Variants in DAB1 observed in about 807,000 individuals in gnomAD.
DAB1 encodes DAB adaptor protein 1, also known as disabled homolog 1.
Under a neutral mutation model 64.6 loss-of-function variants are expected in DAB1, and 15 were observed. The ratio of observed to expected loss-of-function variants is 0.23; its 90% CI spans 0.16 to 0.36. DAB1 has a LOEUF of 0.36. DAB1 is among the 10% of genes least tolerant of loss of function. The pLI is 1.00. For synonymous variants in DAB1, 235 were observed against 251.9 expected, an observed-to-expected ratio of 0.93 and a Z score of 0.64; for missense variants, 596 against 706.7, an observed-to-expected ratio of 0.84 and a Z score of 1.78.
At chr1:57,716,144 G>C (rs995997158) in intron 6 of DAB1, among the ~76,000 whole-genome samples, 7 of 152,222 alleles carry the variant, frequency 4.6e-5, no homozygotes, top group Admixed American at 4.6e-4. Flanking sequence ...TCCTGACCTT[G>C]TGATCCACCC....
chr1:58,360,718 G>A (rs539000094), intron 3 of DAB1, among the ~76,000 whole-genome samples: 9 of 152,144 alleles, frequency 5.9e-5, no homozygotes, highest in African/African-American at 1.4e-4. Flanking sequence ...CAAATACTGC[G>A]CTAATGAGAG....
chr1:57,428,618 G>A (rs1201256954), upstream of DAB1, among the ~76,000 whole-genome samples: 1 of 152,106 alleles, frequency 6.6e-6, no homozygotes, highest in Non-Finnish European at 1.5e-5. Context: ...ATTCTGGAAT[G>A]AACATGGTAG....
chr1:58,128,158 T>G (rs1197134281), intron 5 of DAB1, among the ~76,000 whole-genome samples: 1 of 152,154 alleles, frequency 6.6e-6, no homozygotes, highest in Non-Finnish European at 1.5e-5. Flanking sequence ...GCAGTTCTCC[T>G]TGAAGAGGTC....
intron 3 of DAB1, among the ~76,000 whole-genome samples, chr1:58,486,276 A>G (rs754308445): frequency 5.3e-5 from 8 of 152,234 alleles, no homozygotes; most frequent in Non-Finnish European, 1.2e-4. Flanking sequence ...CTGATTTCAC[A>G]TATGAAGAAA....
chr1:57,837,490 A>G lies in DAB1; in HGVS notation n.88-11035T>C, dbSNP rs375586358. Among the ~76,000 whole-genome samples, 86 of 152,254 alleles carry G rather than the reference A, an allele frequency of 5.6e-4. 1 individual carries two copies. Among genetic ancestry groups the G allele is most frequent in the African/African-American group, 2.0e-3 (82 of 41,546 alleles). On this transcript the variant is annotated intron_variant and non_coding_transcript_variant, in intron 1 of 1. Transcript: ENST00000477280. ...ACATATGCAGAATGGGTGGATGACTAGATGGTGATATTTGAAGGATTCCTG... is the reference window on the plus strand; with the variant it reads ...ACATATGCAGAATGGGTGGATGACTGGATGGTGATATTTGAAGGATTCCTG...
At chr1:58,422,555 C>T (rs949779001) in intron 3 of DAB1, among the ~76,000 whole-genome samples, 4 of 151,414 alleles carry the variant, frequency 2.6e-5, no homozygotes, top group South Asian at 2.1e-4. Flanking sequence ...TTCATGGTCA[C>T]GGTCAGGAAG....
intron 7 of DAB1, among the ~76,000 whole-genome samples, chr1:57,640,146 A>G (rs1053474061): frequency 8.5e-5 from 13 of 152,120 alleles, no homozygotes; most frequent in African/African-American, 3.1e-4. Context: ...GTCATTTGCT[A>G]TGTGACTTAA....
chr1:57,009,930 C>T (rs1245338101), intron 14 of DAB1, among the ~76,000 whole-genome samples: 1 of 152,218 alleles, frequency 6.6e-6, no homozygotes. Flanking sequence ...AATCCACATG[C>T]TGCAGCACAG....
At chr1:57,553,195 G>T (rs1290523532) in intron 7 of DAB1, among the ~76,000 whole-genome samples, 1 of 151,638 alleles carries the variant, frequency 6.6e-6, no homozygotes, top group South Asian at 2.1e-4. Context: ...TATTACTTAG[G>T]ATTAGGAATA....
chr1:57,606,557 TTA>T (rs1277941562), intron 7 of DAB1, among the ~76,000 whole-genome samples: 23 of 109,168 alleles, frequency 2.1e-4, no homozygotes, highest in Admixed American at 1.2e-3. Flanking sequence ...ATATAATATA[TTA>T]TATATTATAT....
intron 2 of DAB1, among the ~76,000 whole-genome samples, chr1:57,150,815 T>C (rs1212814803): frequency 6.6e-6 from 1 of 152,140 alleles, no homozygotes; most frequent in Non-Finnish European, 1.5e-5. Context: ...TTAGACTGTT[T>C]AGCAATCCTA....
At chr1:58,347,127 G>T (rs926504326) in intron 3 of DAB1, among the ~76,000 whole-genome samples, 4 of 152,054 alleles carry the variant, frequency 2.6e-5, no homozygotes, top group Admixed American at 1.3e-4. Context: ...TTTGTTTTGA[G>T]ACAAAGTTTC....
chr1:57,426,876 T>TATATATATATA (rs1383757354), upstream of DAB1, among the ~76,000 whole-genome samples: 565 of 135,030 alleles, frequency 4.2e-3, 5 homozygotes, highest in African/African-American at 0.016. Flanking sequence ...ATATATATAT[T>TATATATATATA]TTTTTGAGAC....
At chr1:57,424,114 C>G (rs1685153337), upstream of DAB1, 1 of 150,536 alleles carries the variant, frequency 6.6e-6, no homozygotes, top group Non-Finnish European at 1.5e-5. Flanking sequence ...GAGACCGCCA[C>G]CCGCGCGGAC....
At position 57,991,663 on chromosome 1, in the gene DAB1, T is replaced by C. The variant is rs181593304; in HGVS notation, n.388-107501A>G. Among the ~76,000 whole-genome samples the C allele has an allele frequency of 3.9e-4, 59 of 151,922 alleles. No individual in the cohort carries two copies. The East Asian group carries it at 9.9e-3, about 26-fold the overall frequency. Reference sequence around the variant, plus strand: ...AAAAGTTCAAGACCAGCCTGGCCAATGGCGAAACCCCATCTCCGCTAAAAA... The same window carrying C: ...AAAAGTTCAAGACCAGCCTGGCCAACGGCGAAACCCCATCTCCGCTAAAAA... On this transcript the variant is annotated intron_variant and non_coding_transcript_variant, in intron 5 of 20. Transcript: ENST00000485760.
intron 6 of DAB1, among the ~76,000 whole-genome samples, chr1:57,779,769 A>T (rs1464110650): frequency 2.6e-5 from 4 of 152,162 alleles, no homozygotes; most frequent in African/African-American, 9.6e-5. Context: ...GAGTATAGAA[A>T]AATCCTTAGT....
chr1:57,265,840 T>A (rs781529888), intron 2 of DAB1, among the ~76,000 whole-genome samples: 34 of 152,148 alleles, frequency 2.2e-4, no homozygotes, highest in Non-Finnish European at 4.4e-4. Flanking sequence ...CCAGGTGGTA[T>A]CTATGTATTT....
rs538280946 is a variant in DAB1, at chr1:57,067,819, A to T, written c.663+1541T>A. Among the ~76,000 whole-genome samples the T allele has an allele frequency of 5.9e-5, 9 of 152,218 alleles. No individual in the cohort carries two copies. The South Asian group carries it at 1.2e-3, about 21-fold the overall frequency. On this transcript the variant is annotated intron_variant, in intron 8 of 14. Transcript: ENST00000371236. ...TAAAATACTGAATCCACACAGCCAG[A>T]CTCCACATTTTGTGACCCATGATGA... is the stretch of plus-strand genomic sequence containing the variant.
chr1:57,187,019 G>T (rs116635245), intron 2 of DAB1, among the ~76,000 whole-genome samples: 2,451 of 152,222 alleles, frequency 0.016, 79 homozygotes, highest in African/African-American at 0.057. Flanking sequence ...CCCCCAAAAA[G>T]ATGGGATCTA....
Sources: allele counts gnomAD v4.1 joint callset (sites outside exome capture counted in the v4.1 genomes callset), GRCh38; gene constraint gnomAD v4.1.1; transcripts MANE v1.5; gene names NCBI Gene and HGNC (gene_info 2026-07-23, HGNC 2026-07-21).